Variants in GUCY1A2 observed in about 807,000 individuals in gnomAD.
GUCY1A2 encodes guanylate cyclase soluble subunit alpha-2.
GUCY1A2 carries 27 observed loss-of-function variants against 63.5 expected under a neutral mutation model. The observed-to-expected ratio is 0.43, with a 90% CI of 0.31 to 0.59. The LOEUF (loss-of-function observed/expected upper bound fraction) is 0.59. GUCY1A2 is among the 20% of genes least tolerant of loss of function. GUCY1A2 has a pLI of 0.11. For missense variants in GUCY1A2, 768 were observed against 913.3 expected (o/e 0.84, Z 2.05); for synonymous variants, 364 against 343.5 (o/e 1.06, Z -0.66).
intron 4 of GUCY1A2, chr11:106,824,805 G>A: frequency 6.4e-7 from 1 of 1,571,462 alleles, no homozygotes; most frequent in Non-Finnish European, 8.6e-7. Context: ...TTTTTTGTAG[G>A]CTGAATCGTC....
At chr11:106,718,262 C>T (rs1863251527) in intron 6 of GUCY1A2, among the ~76,000 whole-genome samples, 1 of 151,640 alleles carries the variant, frequency 6.6e-6, no homozygotes, top group African/African-American at 2.4e-5. Flanking sequence ...GAGCTATTAT[C>T]ACTTGTATAA....
intron 4 of GUCY1A2, among the ~76,000 whole-genome samples, chr11:106,872,335 A>G (rs1261632677): frequency 6.6e-6 from 1 of 152,288 alleles, no homozygotes; most frequent in South Asian, 2.1e-4. Context: ...TAATATTATC[A>G]TAAGTGACAC....
intron 6 of GUCY1A2, among the ~76,000 whole-genome samples, chr11:106,773,129 C>T (rs1028133907): frequency 1.3e-5 from 2 of 151,490 alleles, no homozygotes; most frequent in African/African-American, 2.4e-5. Flanking sequence ...TATCCTCTTA[C>T]TTCCCATATC....
intron 4 of GUCY1A2, among the ~76,000 whole-genome samples, chr11:106,936,404 G>T (rs1351093488): frequency 1.3e-5 from 2 of 151,052 alleles, no homozygotes; most frequent in East Asian, 3.8e-4. Context: ...CACTGAATCT[G>T]TTGGGTTTTT....
intron 6 of GUCY1A2, among the ~76,000 whole-genome samples, chr11:106,728,926 C>A (rs1260227758): frequency 1.3e-5 from 2 of 152,084 alleles, no homozygotes; most frequent in Non-Finnish European, 2.9e-5. Context: ...ACAATGTCTT[C>A]ATATTTATGA....
At chr11:107,000,747 A>T (rs1861602806) in intron 1 of GUCY1A2, among the ~76,000 whole-genome samples, 1 of 152,198 alleles carries the variant, frequency 6.6e-6, no homozygotes, top group Admixed American at 6.5e-5. Context: ...TGATAAAAAC[A>T]CAATTTGTAA....
chr11:106,676,487 C>T lies in GUCY1A2; in HGVS notation c.*11062G>A. On this transcript the variant is annotated 3_prime_UTR_variant, in exon 8 of 8. Coordinates refer to ENST00000526355, the MANE Select transcript of GUCY1A2 (RefSeq NM_000855.3). Reference sequence around the variant, plus strand: ...GAATATAGGTTTAAAACCTCAAAGACACAGAGCTAAGAAATATGGAATACA... The same window carrying T: ...GAATATAGGTTTAAAACCTCAAAGATACAGAGCTAAGAAATATGGAATACA... 5.4e-6 allele frequency: 1 copy of T among 185,866 alleles called. No homozygotes were observed. The highest frequency in any genetic ancestry group is 1.1e-5 in the Non-Finnish European group (1 of 88,018). 11.5% of individuals were successfully genotyped at this position (185,866 alleles called of 1,614,324 possible).
chr11:106,794,426 T>C (rs919855756), intron 5 of GUCY1A2, among the ~76,000 whole-genome samples: 1 of 151,906 alleles, frequency 6.6e-6, no homozygotes, highest in African/African-American at 2.4e-5. Flanking sequence ...CCATATAGCA[T>C]GCTGACCATA....
At chr11:106,705,726 G>A (rs1862897267) in intron 7 of GUCY1A2, among the ~76,000 whole-genome samples, 1 of 152,066 alleles carries the variant, frequency 6.6e-6, no homozygotes, top group African/African-American at 2.4e-5. Context: ...CAGGTGTGGT[G>A]GCACGCACCT....
chr11:106,677,516 C>T lies in GUCY1A2; in HGVS notation c.*10033G>A, dbSNP rs966224317. The stretch of plus-strand genomic sequence containing the variant: ...GATAATAAATTCTGCACTGGGGAGA[C>T]ATCTATGATGTGACAAGTTATTTTT... On this transcript the variant is annotated 3_prime_UTR_variant, in exon 8 of 8. Coordinates refer to ENST00000526355, the MANE Select transcript of GUCY1A2 (RefSeq NM_000855.3). The T allele has an allele frequency of 4.8e-5, 10 of 208,748 alleles. No individual in the cohort carries two copies. The highest frequency in any genetic ancestry group is 7.8e-5 in the Non-Finnish European group (8 of 102,522). 12.9% of individuals were successfully genotyped at this position (208,748 alleles called of 1,614,324 possible). A position where few individuals can be genotyped will look rare whatever the true frequency, so the allele number is the denominator to read the frequency against.
rs112489370 is a variant in GUCY1A2, at chr11:106,920,225, C to T, written c.1206+19235G>A. On this transcript the variant is annotated intron_variant, in intron 4 of 7. Coordinates refer to ENST00000526355, the MANE Select transcript of GUCY1A2 (RefSeq NM_000855.3). Reference sequence around the variant, plus strand: ...AGAATGGTTATTTCAGTGGATGGAGCAGTGCAGAACTGGGAAGAAAGTGAA... The same window carrying T: ...AGAATGGTTATTTCAGTGGATGGAGTAGTGCAGAACTGGGAAGAAAGTGAA... Among the ~76,000 whole-genome samples, 194 of 151,734 alleles carry T rather than the reference C, an allele frequency of 1.3e-3. 1 individual carries two copies. The highest frequency in any genetic ancestry group is 4.4e-3 in the African/African-American group (182 of 41,404).
chr11:106,837,860 T>TC, intron 4 of GUCY1A2, among the ~76,000 whole-genome samples: 1 of 152,028 alleles, frequency 6.6e-6, no homozygotes, highest in East Asian at 1.9e-4. Context: ...CTGAGAAGAA[T>TC]CCCCTTGCTA....
chr11:106,729,351 C>CTGTT (rs1863460716), intron 6 of GUCY1A2, among the ~76,000 whole-genome samples: 1 of 152,046 alleles, frequency 6.6e-6, no homozygotes, highest in African/African-American at 2.4e-5. Context: ...TCCTAATTAC[C>CTGTT]TGTTTGTGTA....
chr11:106,822,255 T>A (rs917839999), intron 4 of GUCY1A2, among the ~76,000 whole-genome samples: 1 of 152,232 alleles, frequency 6.6e-6, no homozygotes, highest in Non-Finnish European at 1.5e-5. Flanking sequence ...TACATTACCA[T>A]ACGAACAATT....
intron 3 of GUCY1A2, among the ~76,000 whole-genome samples, chr11:106,944,148 G>A (rs1167215517): frequency 4.6e-5 from 6 of 130,004 alleles, no homozygotes; most frequent in Admixed American, 8.6e-5. Context: ...CCAGGATGTT[G>A]AGGTAGCAGT....
At chr11:106,723,879 A>G (rs1341463825) in intron 6 of GUCY1A2, among the ~76,000 whole-genome samples, 1 of 151,264 alleles carries the variant, frequency 6.6e-6, no homozygotes, top group Non-Finnish European at 1.5e-5. Flanking sequence ...ATCTTTGAAC[A>G]TAAATTAATA....
intron 4 of GUCY1A2, among the ~76,000 whole-genome samples, chr11:106,883,083 G>A (rs1859848475): frequency 6.6e-6 from 1 of 152,000 alleles, no homozygotes; most frequent in Non-Finnish European, 1.5e-5. Context: ...ATTACACATT[G>A]AAGGTATCTA....
At chr11:106,772,482 C>G (rs1864275179) in intron 6 of GUCY1A2, among the ~76,000 whole-genome samples, 1 of 152,070 alleles carries the variant, frequency 6.6e-6, no homozygotes, top group South Asian at 2.1e-4. Flanking sequence ...AAAATAATCC[C>G]AAATCATGCA....
At position 106,736,623 on chromosome 11, in the gene GUCY1A2, G is replaced by T. The variant is rs546504971; in HGVS notation, c.1837-27957C>A. On this transcript the variant is annotated intron_variant, in intron 6 of 7. Coordinates refer to ENST00000526355, the MANE Select transcript of GUCY1A2 (RefSeq NM_000855.3). ...GATTTGGCTATTTTGGGTCTTTTAT[G>T]GTTCCATATATATTTCAGAATTATT... Among the ~76,000 whole-genome samples, 16 of 152,024 alleles carry T rather than the reference G, an allele frequency of 1.1e-4. No homozygotes were observed. In the East Asian group the frequency reaches 3.1e-3, roughly 29 times the overall value.
Sources: allele counts gnomAD v4.1 joint callset (sites outside exome capture counted in the v4.1 genomes callset), GRCh38; gene constraint gnomAD v4.1.1; transcripts MANE v1.5; gene names NCBI Gene and HGNC (gene_info 2026-07-23, HGNC 2026-07-21).